The following MTCL1 variants were observed in gnomAD, a reference collection of about 807,000 sequenced individuals.
MTCL1 encodes the protein microtubule cross-linking factor 1.
A neutral mutation model predicts 141.4 loss-of-function variants in MTCL1; 79 were observed. The ratio of observed to expected loss-of-function variants is 0.56; its 90% CI spans 0.47 to 0.67. MTCL1 has a LOEUF of 0.67. Among genes scored for constraint, MTCL1 ranks in the 30% least tolerant of loss-of-function variants. The probability of loss-of-function intolerance (pLI) is 0.00; values close to 1 mark genes in which losing one functional copy is unlikely to be tolerated. For synonymous variants in MTCL1, 914 were observed against 875.8 expected (o/e 1.04, Z -0.77); for missense variants, 2,177 against 2,113.9 (o/e 1.03, Z -0.59).
intron 4 of MTCL1, among the ~76,000 whole-genome samples, chr18:8,757,371 G>A (rs2096407230): frequency 6.6e-6 from 1 of 152,168 alleles, no homozygotes; most frequent in Non-Finnish European, 1.5e-5. Flanking sequence ...AGGAGTAGCC[G>A]CTGTAGGATA....
At chr18:8,773,807 G>A (rs775288) in intron 4 of MTCL1, among the ~76,000 whole-genome samples, 34,759 of 151,972 alleles carry the variant, frequency 0.23, 4,185 homozygotes, top group East Asian at 0.37. Context: ...TTCAAAATAT[G>A]ACCTGTATTG....
exon 6 of MTCL1, chr18:8,783,604 C>T (rs1378600974): frequency 3.1e-6 from 5 of 1,613,576 alleles, no homozygotes; most frequent in Non-Finnish European, 4.2e-6. Context: ...AAAAGATGGC[C>T]AAGCTAGGAA....
chr18:8,720,613 T>G (rs1308512683), intron 4 of MTCL1, 117 bp downstream of exon 3: 6 of 953,140 alleles, frequency 6.3e-6, no homozygotes, highest in Non-Finnish European at 7.7e-6. Context: ...GTGGCCTGTT[T>G]GTTTGGCTCA....
At chr18:8,818,104 A>G (rs980926061) in intron 12 of MTCL1, among the ~76,000 whole-genome samples, 21 of 152,222 alleles carry the variant, frequency 1.4e-4, no homozygotes, top group African/African-American at 5.1e-4. Flanking sequence ...TAATGCCCTT[A>G]TGTGGGCTGG....
chr18:8,731,715 A>C (rs1381316843), intron 4 of MTCL1, among the ~76,000 whole-genome samples: 1 of 152,152 alleles, frequency 6.6e-6, no homozygotes, highest in African/African-American at 2.4e-5. Context: ...CTCAAAAAAA[A>C]AATTTTTTTT....
intron 4 of MTCL1, among the ~76,000 whole-genome samples, chr18:8,723,593 G>A (rs979705408): frequency 6.6e-6 from 1 of 152,158 alleles, no homozygotes; most frequent in Non-Finnish European, 1.5e-5. Context: ...GCCCTAGACT[G>A]TTTTCAGCTG....
Position 8,809,689 on chromosome 18 carries a change from A to G in MTCL1, c.2604+2629A>G. On this transcript the variant is annotated intron_variant, in intron 11 of 16. Transcript: ENST00000359865. ...CCGGTTCATGAGACGCCGTGGAGCA[A>G]CAGGCACCTCGCACGGCTGTCAGGT... 3 of 1,405,184 alleles carry G rather than the reference A, an allele frequency of 2.1e-6. No homozygotes were observed. In the South Asian group the frequency reaches 4.2e-5, roughly 20 times the overall value. The allele number at this position is 1,405,184 out of a possible 1,614,324, so 87.0% of individuals were successfully genotyped here. A position where few individuals can be genotyped will look rare whatever the true frequency, so the allele number is the denominator to read the frequency against.
chr18:8,829,112 C>T, intron 16 of MTCL1: 1 of 1,386,422 alleles, frequency 7.2e-7, no homozygotes, highest in Non-Finnish European at 9.7e-7. Context: ...CGCCTAAACC[C>T]AGGAACAGAT....
chr18:8,725,782 T>TTTTTTTTG (rs2096204873), intron 4 of MTCL1, among the ~76,000 whole-genome samples: 1 of 44,364 alleles, frequency 2.3e-5, no homozygotes, highest in Non-Finnish European at 4.3e-5. Context: ...TTTTCTTTTT[T>TTTTTTTTG]TTTTTTTCTT....
In MTCL1 at chr18:8,798,303, G is replaced by C; in HGVS notation, c.2436+12G>C. 1 of 1,500,468 alleles carries C rather than the reference G, an allele frequency of 6.7e-7. No individual in the cohort carries two copies. Among genetic ancestry groups the C allele is most frequent in the Non-Finnish European group, 8.9e-7 (1 of 1,125,366 alleles). The allele number at this position is 1,500,468 out of a possible 1,614,324, so 92.9% of individuals were successfully genotyped here. A position where few individuals can be genotyped will look rare whatever the true frequency, so the allele number is the denominator to read the frequency against. On this transcript the variant is annotated intron_variant, in intron 10 of 16. Coordinates refer to ENST00000359865, the Ensembl canonical transcript of MTCL1. Reference sequence around the variant, plus strand: ...AGCCCCACAAACAGGTGGGTACCTCGACCCGAGCCTGTCGCCCTGCCCACA... The same window carrying C: ...AGCCCCACAAACAGGTGGGTACCTCCACCCGAGCCTGTCGCCCTGCCCACA...
intron 10 of MTCL1, among the ~76,000 whole-genome samples, chr18:8,804,416 A>G (rs762528460): frequency 8.6e-5 from 13 of 151,988 alleles, no homozygotes; most frequent in Non-Finnish European, 1.8e-4. Flanking sequence ...CCACAACGCT[A>G]ATTTTTAGGT....
At chr18:8,769,122 A>C (rs2096473751) in intron 4 of MTCL1, among the ~76,000 whole-genome samples, 1 of 152,194 alleles carries the variant, frequency 6.6e-6, no homozygotes, top group Admixed American at 6.5e-5. Flanking sequence ...TAAAAGACAC[A>C]GCCTTATATT....
upstream of MTCL1, among the ~76,000 whole-genome samples, chr18:8,713,380 A>G (rs2096106486): frequency 2.0e-5 from 3 of 152,242 alleles, no homozygotes; most frequent in African/African-American, 7.2e-5. Context: ...GCGATTTTCC[A>G]ATTTTATGTA....
At chr18:8,707,790 G>A (rs768201890) in intron 1 of MTCL1, among the ~76,000 whole-genome samples, 2 of 151,896 alleles carry the variant, frequency 1.3e-5, no homozygotes, top group Non-Finnish European at 2.9e-5. Context: ...CCAGTTTTTG[G>A]CTAGTGAGAT....
intron 4 of MTCL1, 65 bp downstream of exon 3, chr18:8,720,561 T>C: frequency 6.7e-7 from 1 of 1,498,964 alleles, no homozygotes; most frequent in Non-Finnish European, 9.0e-7. Context: ...GAACTCCAAG[T>C]GCCCCCTTCT....
chr18:8,786,110 T>TCCCCCCCCCCCAACCC lies in MTCL1; in HGVS notation c.1887+30_1887+31insAACCCCCCCCCCCCCC. On this transcript the variant is annotated intron_variant, in intron 7 of 16. Transcript: ENST00000359865. ...CCTGGAGGTCAGCGTGGGCAAGCAA[T>TCCCCCCCCCCCAACCC]CCCCCCCCCCCGCCCTCCCCCTCCT... 2 of 1,310,346 alleles carry TCCCCCCCCCCCAACCC rather than the reference T, an allele frequency of 1.5e-6. No homozygotes were observed. Among genetic ancestry groups the TCCCCCCCCCCCAACCC allele is most frequent in the South Asian group, 1.3e-5 (1 of 77,208 alleles). 81.2% of individuals were successfully genotyped at this position (1,310,346 alleles called of 1,614,324 possible). A position where few individuals can be genotyped will look rare whatever the true frequency, so the allele number is the denominator to read the frequency against.
chr18:8,798,384 A>C, intron 10 of MTCL1, 93 bp downstream of exon 9: 1 of 1,103,358 alleles, frequency 9.1e-7, no homozygotes, highest in East Asian at 3.2e-5. Flanking sequence ...CAGTGTTGGC[A>C]TTCAGGTAGC....
intron 4 of MTCL1, among the ~76,000 whole-genome samples, chr18:8,770,072 A>C (rs111524670): frequency 9.7e-4 from 147 of 152,300 alleles, no homozygotes; most frequent in African/African-American, 3.4e-3. Flanking sequence ...AAACCAGAAA[A>C]CAGCCCAAAT....
chr18:8,713,503 G>T (rs770210160), upstream of MTCL1, among the ~76,000 whole-genome samples: 16 of 152,186 alleles, frequency 1.1e-4, no homozygotes, highest in Non-Finnish European at 1.5e-5. Flanking sequence ...TTCTAAATTG[G>T]AGCATGCCGT....
Sources: gnomAD v4.1 joint callset for allele counts (sites outside exome capture counted in the v4.1 genomes callset) on GRCh38, gnomAD v4.1.1 for gene constraint, MANE v1.5 for transcripts, NCBI Gene and HGNC (gene_info 2026-07-23, HGNC 2026-07-21) for gene names.